STXBP6: variants seen among roughly 807,000 people sequenced by gnomAD.
The protein encoded by STXBP6 is syntaxin-binding protein 6.
STXBP6 carries 21 observed loss-of-function variants against 26.9 expected under a neutral mutation model. The observed-to-expected ratio is 0.78, with a 90% confidence interval of 0.55 to 1.12. STXBP6 has a LOEUF of 1.12. Among genes scored for constraint, STXBP6 ranks in the 50% most tolerant of loss-of-function variants. The probability of loss-of-function intolerance (pLI) is 0.00; values close to 1 mark genes in which losing one functional copy is unlikely to be tolerated. For synonymous variants in STXBP6, 97 were observed against 92.6 expected (o/e 1.05, Z -0.27); for missense variants, 232 against 257.9 (o/e 0.90, Z 0.69).
In STXBP6 at chr14:24,809,897, C is replaced by T. The variant is rs917454841; in HGVS notation, c.*2812G>A. ...TAAATAATTTTAAATAGATGCACAA[C>T]CTTTGCTAGCCACAAAAGTAGTATT... is the stretch of plus-strand genomic sequence containing the variant. On this transcript the variant is annotated 3_prime_UTR_variant, in exon 6 of 6. Transcript: ENST00000323944. 1.3e-5 allele frequency: 2 copies of T among 152,130 alleles called. No homozygotes were observed. The highest frequency in any genetic ancestry group is 4.8e-5 in the African/African-American group (2 of 41,432). 9.4% of individuals were successfully genotyped at this position (152,130 alleles called of 1,614,324 possible).
At chr14:24,987,951 T>G (rs1258530208) in intron 1 of STXBP6, 9 of 923,632 alleles carry the variant, frequency 9.7e-6, no homozygotes, top group Non-Finnish European at 1.2e-5. Context: ...AACAAAGTAC[T>G]TTCCCTCATG....
intron 3 of STXBP6, among the ~76,000 whole-genome samples, chr14:24,856,661 A>T (rs1422960724): frequency 6.6e-6 from 1 of 152,060 alleles, no homozygotes; most frequent in African/African-American, 2.4e-5. Flanking sequence ...ATTTTTGGTA[A>T]ATACACCTTG....
rs190897651 is a variant in STXBP6, at chr14:24,839,531, T to C, written c.451+16405A>G. Among the ~76,000 whole-genome samples the C allele has an allele frequency of 3.0e-3, 451 of 152,314 alleles. 4 individuals are homozygous for C. Among genetic ancestry groups the C allele is most frequent in the African/African-American group, 0.011 (438 of 41,572 alleles). On this transcript the variant is annotated intron_variant, in intron 4 of 5. Transcript: ENST00000323944. ...GTCTTGAAAAAAAATTTAGTCAAAT[T>C]TGATTCTGTGTTTGAATAATCACAT...
chr14:25,006,612 A>G (rs1299433655), intron 1 of STXBP6, among the ~76,000 whole-genome samples: 8 of 152,200 alleles, frequency 5.3e-5, no homozygotes, highest in Non-Finnish European at 1.2e-4. Context: ...CTGTGTCCAC[A>G]TTCCCATTAA....
chr14:24,953,142 C>T (rs1006673197), intron 2 of STXBP6, among the ~76,000 whole-genome samples: 1 of 152,168 alleles, frequency 6.6e-6, no homozygotes, highest in Non-Finnish European at 1.5e-5. Flanking sequence ...CTCCTTGACT[C>T]ATGGCGACAT....
intron 2 of STXBP6, among the ~76,000 whole-genome samples, chr14:24,918,501 C>CACAG (rs1491399035): frequency 4.1e-5 from 6 of 146,492 alleles, no homozygotes; most frequent in Admixed American, 2.0e-4. Flanking sequence ...CACACACACA[C>CACAG]AGCAGGCATG....
At chr14:24,830,517 G>C (rs2068426369) in intron 4 of STXBP6, among the ~76,000 whole-genome samples, 1 of 152,180 alleles carries the variant, frequency 6.6e-6, no homozygotes, top group African/African-American at 2.4e-5. Flanking sequence ...GTAGGTAATA[G>C]TGGTGCAATT....
chr14:24,857,181 T>C (rs1484482239), intron 2 of STXBP6, 24 bp from the exon 3 acceptor site: 8 of 1,612,060 alleles, frequency 5.0e-6, no homozygotes, highest in Non-Finnish European at 5.9e-6. Context: ...ATCACTCAGA[T>C]TAGTGCACCT....
chr14:24,952,647 G>A (rs910584250), intron 2 of STXBP6, among the ~76,000 whole-genome samples: 10 of 152,218 alleles, frequency 6.6e-5, no homozygotes, highest in African/African-American at 1.9e-4. Context: ...ACAAAACTCC[G>A]TGTTGAAAGA....
chr14:25,047,985 T>G (rs2075751219), intron 1 of STXBP6, among the ~76,000 whole-genome samples: 1 of 152,180 alleles, frequency 6.6e-6, no homozygotes, highest in African/African-American at 2.4e-5. Flanking sequence ...CATCTCCTAA[T>G]CTACATCATG....
At chr14:24,826,573 A>G (rs909570316) in intron 4 of STXBP6, among the ~76,000 whole-genome samples, 5 of 152,128 alleles carry the variant, frequency 3.3e-5, no homozygotes, top group Non-Finnish European at 7.4e-5. Context: ...ACCTCACCCC[A>G]TGCTAACAAC....
intron 2 of STXBP6, among the ~76,000 whole-genome samples, chr14:24,899,774 A>G (rs944592962): frequency 2.4e-5 from 3 of 126,202 alleles, no homozygotes; most frequent in Non-Finnish European, 4.8e-5. Flanking sequence ...GAGCGAGACT[A>G]CATTTCAAAA....
At position 24,876,393 on chromosome 14, in the gene STXBP6, A is replaced by C. The variant is rs899473096; in HGVS notation, c.155-19236T>G. Among the ~76,000 whole-genome samples the C allele has an allele frequency of 5.3e-5, 8 of 152,328 alleles. 2 individuals carry two copies. Among genetic ancestry groups the C allele is most frequent in the Admixed American group, 3.9e-4 (6 of 15,304 alleles). Reference sequence around the variant, plus strand: ...GAAAAGCAGAACTCCAAACTTCCTCATCTTGTTTCCTGGCCTCAACACAAA... The same window carrying C: ...GAAAAGCAGAACTCCAAACTTCCTCCTCTTGTTTCCTGGCCTCAACACAAA... On this transcript the variant is annotated intron_variant, in intron 2 of 5. Coordinates refer to ENST00000323944, the MANE Select transcript of STXBP6 (RefSeq NM_001394410.1).
intron 3 of STXBP6, 73 bp downstream of exon 3, chr14:24,856,953 AC>A (rs1296095389): frequency 6.5e-7 from 1 of 1,532,126 alleles, no homozygotes; most frequent in Non-Finnish European, 8.8e-7. Flanking sequence ...AACCACCACT[AC>A]CACTACCAAG....
chr14:24,824,560 T>C (rs2068230434), intron 4 of STXBP6, among the ~76,000 whole-genome samples: 1 of 152,224 alleles, frequency 6.6e-6, no homozygotes, highest in Admixed American at 6.5e-5. Context: ...TATATTACAT[T>C]GATTAATCAA....
intron 1 of STXBP6, among the ~76,000 whole-genome samples, chr14:25,030,722 G>A (rs1303200066): frequency 1.3e-5 from 2 of 151,970 alleles, no homozygotes; most frequent in African/African-American, 2.4e-5. Flanking sequence ...GTCCCTCCTC[G>A]GCCTTTAAAG....
intron 1 of STXBP6, among the ~76,000 whole-genome samples, chr14:25,006,302 G>GA (rs2074897579): frequency 1.3e-5 from 2 of 152,148 alleles, no homozygotes; most frequent in South Asian, 4.1e-4. Flanking sequence ...TCAGGAAGAG[G>GA]AAAACATGGA....
chr14:25,033,335 T>C (rs2075494655), intron 1 of STXBP6, among the ~76,000 whole-genome samples: 1 of 152,206 alleles, frequency 6.6e-6, no homozygotes, highest in Non-Finnish European at 1.5e-5. Context: ...CAGACTATCA[T>C]CATTTCTTCC....
chr14:24,818,971 A>T, intron 5 of STXBP6, 66 bp downstream of exon 5: 1 of 1,496,816 alleles, frequency 6.7e-7, no homozygotes, highest in Non-Finnish European at 8.9e-7. Context: ...TACTGAAATA[A>T]AGTTTCTTGG....
Sources: allele counts gnomAD v4.1 joint callset (sites outside exome capture counted in the v4.1 genomes callset), GRCh38; gene constraint gnomAD v4.1.1; transcripts MANE v1.5; gene names NCBI Gene and HGNC (gene_info 2026-07-23, HGNC 2026-07-21).